The following DCHS2 variants were observed in gnomAD, a reference collection of about 807,000 sequenced individuals.
DCHS2 encodes protocadherin-23.
DCHS2 carries 142 observed loss-of-function variants against 182.4 expected under a neutral mutation model. The ratio of observed to expected loss-of-function variants is 0.78; its 90% CI spans 0.68 to 0.89. The LOEUF (loss-of-function observed/expected upper bound fraction) is 0.89, where lower values mean the gene tolerates loss of function less well. Among genes scored for constraint, DCHS2 ranks in the 40% least tolerant of loss-of-function variants. DCHS2 has a pLI of 0.00. For synonymous variants in DCHS2, 1,740 were observed against 1,663.3 expected, an observed-to-expected ratio of 1.05 and a Z score of -1.12; for missense variants, 4,319 against 4,198.6, an observed-to-expected ratio of 1.03 and a Z score of -0.79.
chr4:154,328,917 T>C (rs1408661285), intron 6 of DCHS2, among the ~76,000 whole-genome samples: 1 of 152,228 alleles, frequency 6.6e-6, no homozygotes, highest in Non-Finnish European at 1.5e-5. Flanking sequence ...TTCATTATTA[T>C]AACCCATCCA....
intron 19 of DCHS2, 66 bp downstream of exon 19, chr4:154,239,104 G>A: frequency 6.4e-7 from 1 of 1,556,158 alleles, no homozygotes; most frequent in Non-Finnish European, 8.7e-7. Context: ...ATTTAGAAAG[G>A]GTTATTTCAG....
intron 1 of DCHS2, among the ~76,000 whole-genome samples, chr4:154,386,338 T>G (rs751066437): frequency 1.6e-4 from 24 of 152,158 alleles, no homozygotes; most frequent in Non-Finnish European, 3.4e-4. Context: ...TGTTCCCACC[T>G]TAGGGCCTTG....
chr4:154,337,831 C>G (rs1728886816), intron 3 of DCHS2, among the ~76,000 whole-genome samples: 1 of 152,028 alleles, frequency 6.6e-6, no homozygotes, highest in Non-Finnish European at 1.5e-5. Context: ...ACCTCCGCCT[C>G]CTGGGTTCAA....
At position 154,332,998 on chromosome 4, in the gene DCHS2, T is replaced by G; in HGVS notation, c.3210A>C (p.Thr1070=). The stretch of plus-strand genomic sequence containing the variant: ...TGTGTTCGCGTTTCTCGATAACGAC[T>G]GTCAGCACCAGCAGGGCTGCCTGAG... ...VHPQAALLVL[T]VVIEKREHSP... Residue 1070 remains threonine, a synonymous_variant, in exon 5 of 20, where the codon ACA becomes ACC. Coordinates refer to ENST00000357232, the MANE Select transcript of DCHS2 (RefSeq NM_001358235.2). 6.2e-7 allele frequency: 1 copy of G among 1,614,196 alleles called. No individual in the cohort carries two copies. The highest frequency in any genetic ancestry group is 8.5e-7 in the Non-Finnish European group (1 of 1,180,006).
intron 3 of DCHS2, chr4:154,357,162 T>C: frequency 2.6e-6 from 3 of 1,155,316 alleles, no homozygotes; most frequent in Non-Finnish European, 3.9e-6. Flanking sequence ...GGTGCTTTCA[T>C]GGCCTTTTTG....
intron 1 of DCHS2, among the ~76,000 whole-genome samples, chr4:154,379,171 G>GA (rs753398439): frequency 4.0e-5 from 6 of 151,768 alleles, no homozygotes; most frequent in African/African-American, 1.2e-4. Context: ...AGATAAAATG[G>GA]AAAAAAAAGG....
At chr4:154,251,951 T>TGTC (rs1388464245) in intron 16 of DCHS2, among the ~76,000 whole-genome samples, 2 of 151,754 alleles carry the variant, frequency 1.3e-5, no homozygotes, top group African/African-American at 2.4e-5. Flanking sequence ...TTTTATAATT[T>TGTC]GTCATCGAAT....
chr4:154,289,917 A>G (rs115676670), intron 13 of DCHS2, among the ~76,000 whole-genome samples: 2,549 of 152,160 alleles, frequency 0.017, 67 homozygotes, highest in African/African-American at 0.057. Context: ...AACTGGGTAT[A>G]GAAGAAACAT....
chr4:154,435,024 C>T (rs1180112239), intron 1 of DCHS2, among the ~76,000 whole-genome samples: 1 of 152,004 alleles, frequency 6.6e-6, no homozygotes, highest in East Asian at 1.9e-4. Context: ...AGAGGGAAAA[C>T]TAGGGATATT....
At chr4:154,439,445 T>G (rs975733050) in intron 1 of DCHS2, among the ~76,000 whole-genome samples, 1 of 152,208 alleles carries the variant, frequency 6.6e-6, no homozygotes, top group Non-Finnish European at 1.5e-5. Flanking sequence ...GAAATACTTG[T>G]TTTTTAGTTA....
chr4:154,374,696 C>T (rs1447557653), intron 2 of DCHS2, among the ~76,000 whole-genome samples: 2 of 152,070 alleles, frequency 1.3e-5, no homozygotes, highest in Non-Finnish European at 2.9e-5. Context: ...CCAAAATTCA[C>T]AGCTTAAATA....
chr4:154,384,522 TCCCCAGAAC>T (rs1290240933), intron 1 of DCHS2: 2 of 1,551,446 alleles, frequency 1.3e-6, no homozygotes, highest in African/African-American at 2.7e-5. Flanking sequence ...AATGTTCTAA[TCCCCAGAAC>T]CTATGACTAT....
intron 1 of DCHS2, among the ~76,000 whole-genome samples, chr4:154,416,922 C>T (rs1364859959): frequency 6.6e-6 from 1 of 152,120 alleles, no homozygotes; most frequent in Non-Finnish European, 1.5e-5. Context: ...AAAACTAACA[C>T]GAAATCGCTC....
chr4:154,250,066 T>C (rs1732277533), intron 16 of DCHS2, among the ~76,000 whole-genome samples: 1 of 152,122 alleles, frequency 6.6e-6, no homozygotes, highest in South Asian at 2.1e-4. Context: ...GCATAGGTAA[T>C]ATGCAAATAC....
rs755512753 is a variant in DCHS2 at position 154,236,862 on chromosome 4, T to C, written c.7790A>G (p.Asn2597Ser). 8 of 1,613,928 alleles carry C rather than the reference T, an allele frequency of 5.0e-6. No individual in the cohort carries two copies. The highest frequency in any genetic ancestry group is 1.6e-4 in the Middle Eastern group (1 of 6,084). Reference sequence around the variant, plus strand: ...AAAGAACTTAGTTTCCACATGAAAATTGTTCTGTGAATTACCACTGATGAT... The same window carrying C: ...AAAGAACTTAGTTTCCACATGAAAACTGTTCTGTGAATTACCACTGATGAT... ...YSIISGNSQNNFHVETKFFHS... is the reference protein window; with the variant it reads ...YSIISGNSQNSFHVETKFFHS... The change falls in exon 20 of 20, where the codon AAT becomes AGT. Residue 2597 changes from asparagine to serine, a missense_variant. Coordinates refer to ENST00000357232, the MANE Select transcript of DCHS2 (RefSeq NM_001358235.2).
chr4:154,265,492 C>G (rs1172154678), intron 14 of DCHS2, among the ~76,000 whole-genome samples: 1 of 152,038 alleles, frequency 6.6e-6, no homozygotes. Context: ...AAAATGTCAG[C>G]GATCAGTTGG....
intron 13 of DCHS2, among the ~76,000 whole-genome samples, chr4:154,281,453 A>G (rs1227378822): frequency 6.6e-6 from 1 of 152,184 alleles, no homozygotes. Flanking sequence ...AAAATAAAAT[A>G]CTTAAGAATA....
intron 1 of DCHS2, among the ~76,000 whole-genome samples, chr4:154,385,645 C>T (rs923687484): frequency 4.9e-4 from 65 of 132,590 alleles, no homozygotes; most frequent in African/African-American, 1.7e-3. Context: ...GGCCATCATG[C>T]TCAATTACTT....
intron 1 of DCHS2, among the ~76,000 whole-genome samples, chr4:154,403,185 C>A (rs1347861455): frequency 6.6e-6 from 1 of 152,058 alleles, no homozygotes; most frequent in Non-Finnish European, 1.5e-5. Flanking sequence ...CTGACAAGGA[C>A]CTTCATATTA....
Sources: gnomAD v4.1 joint callset for allele counts (sites outside exome capture counted in the v4.1 genomes callset) on GRCh38, gnomAD v4.1.1 for gene constraint, MANE v1.5 for transcripts, NCBI Gene and HGNC (gene_info 2026-07-23, HGNC 2026-07-21) for gene names.